SLC9A4: variants seen among roughly 807,000 people sequenced by gnomAD.
SLC9A4 encodes the protein solute carrier family 9 member A4.
Under a neutral mutation model 67.4 loss-of-function variants are expected in SLC9A4, and 63 were observed. The observed-to-expected ratio is 0.93, with a 90% CI of 0.76 to 1.15. The LOEUF (loss-of-function observed/expected upper bound fraction) is 1.15. Among genes scored for constraint, SLC9A4 ranks in the 50% most tolerant of loss-of-function variants. The probability of loss-of-function intolerance (pLI) is 0.00; values close to 1 mark genes in which losing one functional copy is unlikely to be tolerated. For missense variants in SLC9A4, 1,089 were observed against 987.7 expected (o/e 1.10, Z -1.38); for synonymous variants, 393 against 367.2 (o/e 1.07, Z -0.80).
At chr2:102,523,453 C>T (rs1255016291) in intron 9 of SLC9A4, among the ~76,000 whole-genome samples, 1 of 152,184 alleles carries the variant, frequency 6.6e-6, no homozygotes, top group Non-Finnish European at 1.5e-5. Context: ...CCCTTGTTGA[C>T]TTGACCGTCT....
chr2:102,508,426 G>A, intron 5 of SLC9A4, 145 bp downstream of exon 5: 1 of 765,854 alleles, frequency 1.3e-6, no homozygotes, highest in South Asian at 2.0e-5. Context: ...TCTAGATCAT[G>A]TTTGTGACCA....
intron 2 of SLC9A4, among the ~76,000 whole-genome samples, chr2:102,483,688 A>T (rs1341931010): frequency 6.6e-6 from 1 of 151,608 alleles, no homozygotes. Flanking sequence ...GAGGGAGACA[A>T]AACCCAGATA....
intron 2 of SLC9A4, among the ~76,000 whole-genome samples, chr2:102,488,684 G>T (rs1044523626): frequency 7.9e-5 from 12 of 152,028 alleles, no homozygotes; most frequent in Admixed American, 2.6e-4. Context: ...GAGTAGCTGG[G>T]ACTAAAGGTG....
At chr2:102,532,228 GAAGAGCTT>G in intron 11 of SLC9A4, 94 bp from the exon 12 acceptor site, 1 of 1,306,820 alleles carries the variant, frequency 7.7e-7, no homozygotes, top group South Asian at 1.5e-5. Flanking sequence ...GAAACCTCAG[GAAGAGCTT>G]TGCTTCACTC....
At chr2:102,506,723 C>A (rs1302087951) in intron 4 of SLC9A4, among the ~76,000 whole-genome samples, 1 of 152,032 alleles carries the variant, frequency 6.6e-6, no homozygotes, top group Non-Finnish European at 1.5e-5. Flanking sequence ...AGAGCTAATG[C>A]CAAGAGAAGT....
intron 2 of SLC9A4, among the ~76,000 whole-genome samples, chr2:102,483,499 A>G (rs188703855): frequency 4.6e-5 from 7 of 152,252 alleles, no homozygotes; most frequent in Admixed American, 3.9e-4. Context: ...AATGCTGCAG[A>G]TCTTCATCCA....
At chr2:102,507,209 T>A (rs765174202) in intron 4 of SLC9A4, among the ~76,000 whole-genome samples, 1 of 152,224 alleles carries the variant, frequency 6.6e-6, no homozygotes, top group Non-Finnish European at 1.5e-5. Context: ...AACAATATTT[T>A]AAAAAGTAAA....
At chr2:102,528,400 CTTTCT>C (rs1444229864) in intron 11 of SLC9A4, among the ~76,000 whole-genome samples, 2 of 90,768 alleles carry the variant, frequency 2.2e-5, no homozygotes, top group African/African-American at 8.2e-5. Context: ...TGTCACAGTT[CTTTCT>C]TTTTTTTTTT....
chr2:102,489,285 G>A (rs4851596), intron 2 of SLC9A4, among the ~76,000 whole-genome samples: 78,917 of 152,042 alleles, frequency 0.52, 20,812 homozygotes, highest in Admixed American at 0.58. Flanking sequence ...CACCATGGGT[G>A]AGGAACAGGT....
At chr2:102,505,687 A>G in intron 4 of SLC9A4, 1 of 485,106 alleles carries the variant, frequency 2.1e-6, no homozygotes, top group Non-Finnish European at 3.6e-6. Context: ...CATTGAAGCA[A>G]GGCTGGGGCA....
chr2:102,479,011 C>A lies in SLC9A4; in HGVS notation c.429C>A (p.Gly143=). The A allele has an allele frequency of 1.9e-6, 3 of 1,614,232 alleles. No homozygotes were observed. Among genetic ancestry groups the A allele is most frequent in the South Asian group, 1.1e-5 (1 of 91,088 alleles). ...TGCCACCCATCGTTCTGGAGGGCGGCTACTTCATGCCCACCCGGCCCTTCT... is the reference window on the plus strand; with the variant it reads ...TGCCACCCATCGTTCTGGAGGGCGGATACTTCATGCCCACCCGGCCCTTCT... ...YLLPPIVLEG[G]YFMPTRPFFE... Residue 143 remains glycine, a synonymous_variant, in exon 2 of 12, where the codon GGC becomes GGA. Coordinates refer to ENST00000295269, the MANE Select transcript of SLC9A4 (RefSeq NM_001011552.4).
At chr2:102,517,442 C>T (rs1165059666) in intron 8 of SLC9A4, among the ~76,000 whole-genome samples, 1 of 151,828 alleles carries the variant, frequency 6.6e-6, no homozygotes, top group African/African-American at 2.4e-5. Flanking sequence ...TAGCAACTGA[C>T]CAAAAGAGAA....
At position 102,526,355 on chromosome 2, in the gene SLC9A4, C is replaced by A; in HGVS notation, c.2038+9C>A. ...GGCTGCTGGGTTCTCAGGTAAGCTG[C>A]CCACCTGGCTGCTCTGCTGCTTTTC... is the stretch of plus-strand genomic sequence containing the variant. On this transcript the variant is annotated intron_variant, in intron 11 of 11. Coordinates refer to ENST00000295269, the MANE Select transcript of SLC9A4 (RefSeq NM_001011552.4). 1.9e-6 allele frequency: 3 copies of A among 1,612,950 alleles called. No homozygotes were observed. Among genetic ancestry groups the A allele is most frequent in the Non-Finnish European group, 2.5e-6 (3 of 1,179,184 alleles).
At position 102,512,188 on chromosome 2, in the gene SLC9A4, GTGTT is replaced by G. The variant is rs770511142; in HGVS notation, c.1489-8_1489-5del. 54 of 1,613,742 alleles carry G rather than the reference GTGTT, an allele frequency of 3.3e-5. No homozygotes were observed. The highest frequency in any genetic ancestry group is 1.9e-4 in the African/African-American group (14 of 75,004). ...GCGTTTCTCCAGCAATCATTTTCTT[GTGTT>G]TGTTTGGCAGCTGATGGATCACTTA... On this transcript the variant is annotated splice_polypyrimidine_tract_variant and intron_variant, in intron 6 of 11. Transcript: ENST00000295269.
intron 2 of SLC9A4, among the ~76,000 whole-genome samples, chr2:102,495,494 G>A (rs1045320077): frequency 6.6e-6 from 1 of 151,860 alleles, no homozygotes; most frequent in Non-Finnish European, 1.5e-5. Context: ...CATTTTAGTA[G>A]AAACTGACAA....
intron 4 of SLC9A4, among the ~76,000 whole-genome samples, chr2:102,507,469 C>T (rs963920300): frequency 5.4e-4 from 82 of 152,120 alleles, no homozygotes; most frequent in African/African-American, 1.8e-3. Context: ...CAAGCAAGCT[C>T]TTCCACCCTA....
intron 8 of SLC9A4, among the ~76,000 whole-genome samples, chr2:102,515,622 A>G (rs1288000186): frequency 6.6e-6 from 1 of 151,840 alleles, no homozygotes; most frequent in East Asian, 2.0e-4. Context: ...AGGAAACATC[A>G]GGCATATCGA....
intron 6 of SLC9A4, among the ~76,000 whole-genome samples, chr2:102,509,771 C>T (rs763943174): frequency 2.0e-5 from 3 of 152,156 alleles, no homozygotes; most frequent in Non-Finnish European, 4.4e-5. Context: ...ACTCAGGAAA[C>T]AAGTTATCTG....
At chr2:102,488,581 C>G (rs1238291023) in intron 2 of SLC9A4, among the ~76,000 whole-genome samples, 1 of 146,234 alleles carries the variant, frequency 6.8e-6, no homozygotes, top group Non-Finnish European at 1.5e-5. Context: ...CGGAGTCTCG[C>G]TCTGTTGCCC....
Sources: allele counts gnomAD v4.1 joint callset (sites outside exome capture counted in the v4.1 genomes callset), GRCh38; gene constraint gnomAD v4.1.1; transcripts MANE v1.5; gene names NCBI Gene and HGNC (gene_info 2026-07-23, HGNC 2026-07-21).